The following TNPO1 variants were observed in gnomAD, a reference collection of about 807,000 sequenced individuals.
TNPO1 encodes the protein transportin-1.
Under a neutral mutation model 119.5 loss-of-function variants are expected in TNPO1, and 8 were observed. The ratio of observed to expected loss-of-function variants is 0.07; its 90% confidence interval spans 0.04 to 0.12. TNPO1 has a LOEUF of 0.12. Ranked by LOEUF, TNPO1 falls within the 10% of genes least tolerant of loss-of-function variation. TNPO1 has a pLI of 1.00. For missense variants in TNPO1, 576 were observed against 1,089.8 expected (o/e 0.53, Z 6.64); for synonymous variants, 362 against 363.0 (o/e 1.00, Z 0.03).
intron 1 of TNPO1, among the ~76,000 whole-genome samples, chr5:72,828,735 A>G (rs1296100404): frequency 6.8e-6 from 1 of 148,064 alleles, no homozygotes; most frequent in South Asian, 2.1e-4. Context: ...TTTTTTTTCT[A>G]CCAGTACCTG....
At chr5:72,892,774 C>T (rs891158917) in intron 15 of TNPO1, among the ~76,000 whole-genome samples, 8 of 152,050 alleles carry the variant, frequency 5.3e-5, no homozygotes, top group Admixed American at 5.2e-4. Context: ...TATTACTTTC[C>T]GGCAGGATCT....
chr5:72,872,821 A>G (rs1747505014), intron 7 of TNPO1, 101 bp downstream of exon 7: 2 of 593,768 alleles, frequency 3.4e-6, no homozygotes, highest in Non-Finnish European at 5.7e-6. Flanking sequence ...AACAAGAATC[A>G]TTTATAATTC....
rs115208832 is a variant in TNPO1, at chr5:72,901,514, T to C, written c.2514+441T>C. On this transcript the variant is annotated intron_variant, in intron 22 of 24. Coordinates refer to ENST00000337273, the MANE Select transcript of TNPO1 (RefSeq NM_002270.4). ...TAATGAATAAAATACAAATCAGCCA[T>C]TGAAATTGCTCTAATTTTGAGAGCT... Among the ~76,000 whole-genome samples, 750 of 152,306 alleles carry C rather than the reference T, an allele frequency of 4.9e-3. 7 individuals are homozygous for C. Among genetic ancestry groups the C allele is most frequent in the African/African-American group, 0.017 (727 of 41,570 alleles).
intron 1 of TNPO1, among the ~76,000 whole-genome samples, chr5:72,833,096 T>C (rs929684648): frequency 2.0e-5 from 3 of 152,178 alleles, no homozygotes; most frequent in African/African-American, 7.2e-5. Context: ...CTATTTCTAA[T>C]CCATGAATGA....
intron 6 of TNPO1, among the ~76,000 whole-genome samples, chr5:72,866,766 CAG>C (rs772217226): frequency 1.6e-4 from 24 of 151,986 alleles, no homozygotes; most frequent in African/African-American, 3.6e-4. Flanking sequence ...AAAAGAAAAA[CAG>C]AAAAAATTCA....
At chr5:72,821,197 A>AAAC (rs1611014) in intron 1 of TNPO1, among the ~76,000 whole-genome samples, 3 of 151,618 alleles carry the variant, frequency 2.0e-5, no homozygotes, top group South Asian at 2.1e-4. Flanking sequence ...ATTAGAGAAA[A>AAAC]ATTCATATTT....
At chr5:72,853,401 A>T (rs1371192231) in intron 3 of TNPO1, among the ~76,000 whole-genome samples, 1 of 152,240 alleles carries the variant, frequency 6.6e-6, no homozygotes, top group Non-Finnish European at 1.5e-5. Flanking sequence ...TGATCGTGCC[A>T]CTGCACTCCA....
intron 2 of TNPO1, among the ~76,000 whole-genome samples, chr5:72,849,454 A>C (rs1238941188): frequency 6.6e-6 from 1 of 152,212 alleles, no homozygotes; most frequent in Non-Finnish European, 1.5e-5. Context: ...TTTTATTGTC[A>C]AAAAGCAGCA....
At chr5:72,880,328 T>C (rs569422882) in intron 9 of TNPO1, among the ~76,000 whole-genome samples, 9 of 152,222 alleles carry the variant, frequency 5.9e-5, no homozygotes, top group Non-Finnish European at 1.2e-4. Context: ...TGTGATCTGG[T>C]ATAGCAGCTC....
In TNPO1 at chr5:72,910,218, T is replaced by C. The variant is rs990937521; in HGVS notation, c.*1545T>C. 1 of 152,642 alleles carries C rather than the reference T, an allele frequency of 6.6e-6. No individual in the cohort carries two copies. Among genetic ancestry groups the C allele is most frequent in the African/African-American group, 2.4e-5 (1 of 41,462 alleles). 9.5% of individuals were successfully genotyped at this position (152,642 alleles called of 1,614,324 possible). A position where few individuals can be genotyped will look rare whatever the true frequency, so the allele number is the denominator to read the frequency against. On this transcript the variant is annotated 3_prime_UTR_variant, in exon 25 of 25. Coordinates refer to ENST00000337273, the MANE Select transcript of TNPO1 (RefSeq NM_002270.4). ...TGCACACAGGGTGCAAGTTAAAAGC[T>C]ACAGAGTGAAAGTTGGTTTGGATCC...
At chr5:72,869,356 G>A (rs760077640) in intron 6 of TNPO1, among the ~76,000 whole-genome samples, 31 of 152,198 alleles carry the variant, frequency 2.0e-4, no homozygotes, top group Admixed American at 1.4e-3. Context: ...AGACCAGCCC[G>A]GCCAACATGG....
chr5:72,895,132 T>C (rs897220105), intron 18 of TNPO1, among the ~76,000 whole-genome samples: 5 of 152,266 alleles, frequency 3.3e-5, no homozygotes, highest in East Asian at 1.9e-4. Context: ...TTACAATTGT[T>C]TTTTGTTAAA....
At chr5:72,858,814 A>G (rs1360052153) in intron 4 of TNPO1, among the ~76,000 whole-genome samples, 1 of 151,582 alleles carries the variant, frequency 6.6e-6, no homozygotes, top group South Asian at 2.1e-4. Flanking sequence ...TCCAGCCTGG[A>G]TGACAGAGTG....
intron 23 of TNPO1, among the ~76,000 whole-genome samples, chr5:72,904,420 C>G (rs546150690): frequency 1.3e-5 from 2 of 152,240 alleles, no homozygotes; most frequent in South Asian, 4.1e-4. Flanking sequence ...GTCTAAACTT[C>G]TCAAAGCAGA....
At chr5:72,841,813 C>G (rs1425071551) in intron 1 of TNPO1, among the ~76,000 whole-genome samples, 1 of 151,834 alleles carries the variant, frequency 6.6e-6, no homozygotes, top group Non-Finnish European at 1.5e-5. Context: ...CTTTAAATAG[C>G]ATGCTCTTTT....
At chr5:72,824,258 T>C (rs965511626) in intron 1 of TNPO1, among the ~76,000 whole-genome samples, 1 of 152,256 alleles carries the variant, frequency 6.6e-6, no homozygotes, top group African/African-American at 2.4e-5. Context: ...ACAGATATGC[T>C]ATTATTTCTC....
chr5:72,867,833 A>T (rs568132087), intron 6 of TNPO1, among the ~76,000 whole-genome samples: 1 of 152,262 alleles, frequency 6.6e-6, no homozygotes, highest in Non-Finnish European at 1.5e-5. Flanking sequence ...ACTATAGCTC[A>T]TTTTGACTCC....
intron 1 of TNPO1, among the ~76,000 whole-genome samples, chr5:72,830,276 C>A (rs929449096): frequency 2.0e-5 from 3 of 152,174 alleles, no homozygotes; most frequent in Admixed American, 2.0e-4. Flanking sequence ...CACACACTCA[C>A]TGGAGTGTGA....
chr5:72,822,600 T>C (rs1338791471), intron 1 of TNPO1, among the ~76,000 whole-genome samples: 1 of 150,778 alleles, frequency 6.6e-6, no homozygotes, highest in Non-Finnish European at 1.5e-5. Flanking sequence ...CTTTTTTTTT[T>C]TTTTTTTTTG....
Sources: gnomAD v4.1 joint callset for allele counts (sites outside exome capture counted in the v4.1 genomes callset) on GRCh38, gnomAD v4.1.1 for gene constraint, MANE v1.5 for transcripts, NCBI Gene and HGNC (gene_info 2026-07-23, HGNC 2026-07-21) for gene names.